The following CFAP61 variants were observed in gnomAD, a reference collection of about 807,000 sequenced individuals.
CFAP61 encodes cilia- and flagella-associated protein 61.
CFAP61 carries 107 observed loss-of-function variants against 135.6 expected under a neutral mutation model. That is an observed-to-expected ratio of 0.79 (90% CI 0.67 to 0.93). The LOEUF is 0.93. Ranked by LOEUF, CFAP61 falls within the 40% of genes least tolerant of loss-of-function variation. The pLI is 0.00. For missense variants in CFAP61, 1,507 were observed against 1,556.2 expected (o/e 0.97, Z 0.53); for synonymous variants, 575 against 578.5 (o/e 0.99, Z 0.09).
chr20:20,309,099 A>C (rs1225580830), intron 25 of CFAP61, among the ~76,000 whole-genome samples: 1 of 152,206 alleles, frequency 6.6e-6, no homozygotes, highest in African/African-American at 2.4e-5. Flanking sequence ...TAACAATTGC[A>C]AAGAGACGCT....
At chr20:20,100,807 T>C (rs2047966456) in intron 8 of CFAP61, among the ~76,000 whole-genome samples, 1 of 152,152 alleles carries the variant, frequency 6.6e-6, no homozygotes, top group African/African-American at 2.4e-5. Flanking sequence ...CTTAAAAACA[T>C]ACGTAAGCTA....
chr20:20,209,006 C>G (rs1405584804), intron 17 of CFAP61, among the ~76,000 whole-genome samples: 3 of 152,200 alleles, frequency 2.0e-5, no homozygotes, highest in Non-Finnish European at 4.4e-5. Flanking sequence ...AAAGCCCCTT[C>G]TGCATGTACT....
At chr20:20,246,356 G>A (rs1363377118) in intron 19 of CFAP61, 141 bp downstream of exon 19, 12 of 682,702 alleles carry the variant, frequency 1.8e-5, no homozygotes, top group Non-Finnish European at 1.0e-5. Flanking sequence ...CATCACTTAG[G>A]AGATACAAGT....
intron 17 of CFAP61, among the ~76,000 whole-genome samples, chr20:20,202,820 T>C (rs1326241866): frequency 1.3e-5 from 2 of 152,008 alleles, no homozygotes; most frequent in African/African-American, 2.4e-5. Flanking sequence ...TCCCTCACCA[T>C]GTCCATATCA....
chr20:20,244,914 G>T (rs2050321710), intron 18 of CFAP61, among the ~76,000 whole-genome samples: 1 of 152,192 alleles, frequency 6.6e-6, no homozygotes, highest in Non-Finnish European at 1.5e-5. Context: ...CAAGTTCAAA[G>T]TTCCACAAAT....
chr20:20,327,801 A>AAAAAAAAAAAAG (rs2057816675), intron 25 of CFAP61, among the ~76,000 whole-genome samples: 1 of 52,890 alleles, frequency 1.9e-5, no homozygotes, highest in Non-Finnish European at 3.4e-5. Flanking sequence ...AAAAAAAAAA[A>AAAAAAAAAAAAG]AAAACAGAAG....
chr20:20,356,330 ACT>A (rs1321466304), intron 26 of CFAP61, among the ~76,000 whole-genome samples: 5 of 131,732 alleles, frequency 3.8e-5, no homozygotes, highest in African/African-American at 1.5e-4. Context: ...AAGTGGTCAC[ACT>A]GAGGGGAGGT....
intron 17 of CFAP61, among the ~76,000 whole-genome samples, chr20:20,227,009 G>C (rs1484896369): frequency 6.6e-6 from 1 of 152,174 alleles, no homozygotes; most frequent in Non-Finnish European, 1.5e-5. Context: ...ATATTGTTTG[G>C]CTCAAGCCAT....
At chr20:20,162,158 G>T (rs555938142) in intron 10 of CFAP61, among the ~76,000 whole-genome samples, 7 of 152,086 alleles carry the variant, frequency 4.6e-5, no homozygotes, top group Non-Finnish European at 1.0e-4. Flanking sequence ...AGCTGGCAGC[G>T]CAGCATCTTC....
chr20:20,271,345 T>C (rs1459459503), intron 21 of CFAP61, among the ~76,000 whole-genome samples: 2 of 152,172 alleles, frequency 1.3e-5, no homozygotes, highest in East Asian at 1.9e-4. Context: ...TCTACCAACA[T>C]TTTAATTGGC....
intron 8 of CFAP61, among the ~76,000 whole-genome samples, chr20:20,115,765 C>T (rs1033059895): frequency 1.3e-5 from 2 of 152,128 alleles, no homozygotes; most frequent in African/African-American, 4.8e-5. Context: ...TTGCAAATGA[C>T]AGGATTTTAC....
At chr20:20,303,412 A>C (rs1755237337) in intron 25 of CFAP61, among the ~76,000 whole-genome samples, 1 of 152,154 alleles carries the variant, frequency 6.6e-6, no homozygotes, top group Non-Finnish European at 1.5e-5. Flanking sequence ...GCCGATGGAC[A>C]TCTGTCAGAA....
chr20:20,113,669 G>A (rs1381702294), intron 8 of CFAP61, among the ~76,000 whole-genome samples: 1 of 152,100 alleles, frequency 6.6e-6, no homozygotes, highest in Non-Finnish European at 1.5e-5. Context: ...CATATGGTGT[G>A]ATATAGAAAT....
chr20:20,358,181 AG>A (rs1569336671), intron 26 of CFAP61, among the ~76,000 whole-genome samples: 4 of 115,000 alleles, frequency 3.5e-5, no homozygotes, highest in Non-Finnish European at 7.2e-5. Flanking sequence ...ACTGAGGGGA[AG>A]TGGTCACACT....
At chr20:20,057,011 G>A (rs1294055775) in intron 2 of CFAP61, among the ~76,000 whole-genome samples, 3 of 151,820 alleles carry the variant, frequency 2.0e-5, no homozygotes, top group South Asian at 2.1e-4. Flanking sequence ...CCAGCTGCTC[G>A]GGAGGCTGAG....
intron 25 of CFAP61, among the ~76,000 whole-genome samples, chr20:20,334,316 G>A (rs1277660946): frequency 4.6e-5 from 7 of 151,996 alleles, no homozygotes; most frequent in African/African-American, 1.5e-4. Flanking sequence ...TTGTAGAGAC[G>A]GGGTTTCGCC....
chr20:20,181,178 T>TAC (rs747408975), intron 13 of CFAP61, among the ~76,000 whole-genome samples: 2 of 145,206 alleles, frequency 1.4e-5, no homozygotes, highest in East Asian at 2.0e-4. Context: ...TATATACACA[T>TAC]ATATATGCAT....
At chr20:20,066,676 G>A (rs974831640) in intron 2 of CFAP61, among the ~76,000 whole-genome samples, 1 of 152,090 alleles carries the variant, frequency 6.6e-6, no homozygotes, top group Admixed American at 6.6e-5. Flanking sequence ...AGGGCCTGTC[G>A]GGGTGGGGGC....
intron 24 of CFAP61, among the ~76,000 whole-genome samples, chr20:20,296,016 T>TCCCTCCA (rs1569258337): frequency 2.4e-4 from 6 of 24,758 alleles, no homozygotes; most frequent in Admixed American, 7.5e-4. Context: ...CTTCCCTCCT[T>TCCCTCCA]TCCTTCCTTC....
Sources: gnomAD v4.1 joint callset for allele counts (sites outside exome capture counted in the v4.1 genomes callset) on GRCh38, gnomAD v4.1.1 for gene constraint, MANE v1.5 for transcripts, NCBI Gene and HGNC (gene_info 2026-07-23, HGNC 2026-07-21) for gene names.